WWOX: variants seen among roughly 807,000 people sequenced by gnomAD.
WWOX encodes the protein WW domain containing oxidoreductase.
A neutral mutation model predicts 46.2 loss-of-function variants in WWOX; 69 were observed. The observed-to-expected ratio is 1.49, with a 90% CI of 1.23 to 1.82. The LOEUF is 1.82. Ranked by LOEUF, WWOX falls within the 40% of genes most tolerant of loss-of-function variation. WWOX has a pLI of 0.00. For synonymous variants in WWOX, 359 were observed against 202.6 expected, an observed-to-expected ratio of 1.77 and a Z score of -6.56; for missense variants, 919 against 542.6, an observed-to-expected ratio of 1.69 and a Z score of -6.89.
At chr16:78,882,773 G>A (rs955136825) in intron 8 of WWOX, among the ~76,000 whole-genome samples, 15 of 151,196 alleles carry the variant, frequency 9.9e-5, no homozygotes, top group African/African-American at 2.4e-4. Flanking sequence ...ACAGGCATGA[G>A]CCACCGCACC....
chr16:78,435,473 A>T (rs1288943112), intron 8 of WWOX, among the ~76,000 whole-genome samples: 1 of 152,204 alleles, frequency 6.6e-6, no homozygotes, highest in Non-Finnish European at 1.5e-5. Flanking sequence ...GTAAAAGATT[A>T]ACTGCGCACT....
At chr16:78,830,864 C>T (rs1465306403) in intron 8 of WWOX, among the ~76,000 whole-genome samples, 1 of 152,066 alleles carries the variant, frequency 6.6e-6, no homozygotes, top group Non-Finnish European at 1.5e-5. Context: ...CTTTCTCCTA[C>T]AGCCCCATCC....
Position 78,880,983 on chromosome 16 carries a change from AT to A in WWOX, c.1057-330617del, listed in dbSNP as rs749040692. Among the ~76,000 whole-genome samples, 3 of 124,442 alleles carry A rather than the reference AT, an allele frequency of 2.4e-5. No homozygotes were observed. In the South Asian group the frequency reaches 8.2e-4, roughly 34 times the overall value. 81.6% of individuals were successfully genotyped at this position (124,442 alleles called of 152,430 possible). Reference sequence around the variant, plus strand: ...TTTCGGTCCCCTAAAGCTTCTGGTAATTTTTTTTCTTTTTTTTTTTTTTTTT... The same window carrying A: ...TTTCGGTCCCCTAAAGCTTCTGGTAATTTTTTTCTTTTTTTTTTTTTTTTT... On this transcript the variant is annotated intron_variant, in intron 8 of 8. Transcript: ENST00000566780.
At chr16:78,473,663 T>A (rs1450529301) in intron 8 of WWOX, among the ~76,000 whole-genome samples, 2 of 152,072 alleles carry the variant, frequency 1.3e-5, no homozygotes, top group African/African-American at 4.8e-5. Context: ...TATGGAGCGT[T>A]TTTTTTGGAA....
At position 78,597,760 on chromosome 16, in the gene WWOX, G is replaced by GTA. The variant is rs66672636; in HGVS notation, c.1056+165027_1056+165028dup. 3.6e-3 allele frequency among the ~76,000 whole-genome samples: 523 copies of GTA among 144,890 alleles called. 4 individuals carry two copies. Among genetic ancestry groups the GTA allele is most frequent in the African/African-American group, 0.011 (431 of 38,450 alleles). On this transcript the variant is annotated intron_variant, in intron 8 of 8. Coordinates refer to ENST00000566780, the MANE Select transcript of WWOX (RefSeq NM_016373.4). ...CATAAATATGAGTTTATTTATATGT[G>GTA]TATATATATATATATATATAAAATA...
chr16:78,200,540 C>G (rs149519508), intron 5 of WWOX, among the ~76,000 whole-genome samples: 21 of 150,524 alleles, frequency 1.4e-4, no homozygotes, highest in African/African-American at 4.4e-4. Flanking sequence ...TAAAGTATCA[C>G]AAAAATTTTT....
intron 8 of WWOX, among the ~76,000 whole-genome samples, chr16:78,799,052 G>A (rs1327329992): frequency 1.3e-5 from 2 of 152,110 alleles, no homozygotes; most frequent in African/African-American, 2.4e-5. Context: ...TGCTTGTATC[G>A]TCTATACCTT....
At chr16:79,026,933 C>A (rs1044142369) in intron 8 of WWOX, among the ~76,000 whole-genome samples, 1 of 150,990 alleles carries the variant, frequency 6.6e-6, no homozygotes, top group Non-Finnish European at 1.5e-5. Flanking sequence ...CTGGGCGGCA[C>A]GTGGTAGACT....
intron 8 of WWOX, among the ~76,000 whole-genome samples, chr16:78,749,133 T>C (rs1283059069): frequency 3.9e-5 from 6 of 152,210 alleles, no homozygotes; most frequent in African/African-American, 1.4e-4. Context: ...TAGTCCTCCA[T>C]GACCAAGGGC....
At chr16:78,704,338 C>G (rs2048288557) in intron 8 of WWOX, among the ~76,000 whole-genome samples, 1 of 152,128 alleles carries the variant, frequency 6.6e-6, no homozygotes, top group African/African-American at 2.4e-5. Flanking sequence ...AGCACATGAC[C>G]TACCTCCCTT....
chr16:78,689,411 C>T (rs1222933058), intron 8 of WWOX, among the ~76,000 whole-genome samples: 2 of 152,220 alleles, frequency 1.3e-5, no homozygotes, highest in Non-Finnish European at 2.9e-5. Flanking sequence ...CTTCTGTCTT[C>T]CCTTTTCCCT....
chr16:78,866,770 T>C (rs561502245), intron 8 of WWOX, among the ~76,000 whole-genome samples: 5 of 152,156 alleles, frequency 3.3e-5, no homozygotes, highest in African/African-American at 4.8e-5. Flanking sequence ...ATCCAGGGAA[T>C]TGGGGACAGT....
chr16:79,017,999 G>A (rs1359397540), intron 8 of WWOX, among the ~76,000 whole-genome samples: 1 of 152,218 alleles, frequency 6.6e-6, no homozygotes, highest in African/African-American at 2.4e-5. Flanking sequence ...AAAAGGTTAT[G>A]TACTGGGGCT....
chr16:78,699,174 C>T (rs1597460620), intron 8 of WWOX, among the ~76,000 whole-genome samples: 1 of 152,278 alleles, frequency 6.6e-6, no homozygotes, highest in African/African-American at 2.4e-5. Flanking sequence ...GGTCACGGGC[C>T]ACATTTGGCC....
intron 8 of WWOX, among the ~76,000 whole-genome samples, chr16:78,939,938 C>T (rs1349904520): frequency 6.6e-6 from 1 of 152,140 alleles, no homozygotes; most frequent in Non-Finnish European, 1.5e-5. Context: ...ATTCGACTGC[C>T]CCCACCCAGA....
At chr16:78,546,451 T>A (rs367775726) in intron 8 of WWOX, among the ~76,000 whole-genome samples, 1 of 152,210 alleles carries the variant, frequency 6.6e-6, no homozygotes, top group African/African-American at 2.4e-5. Flanking sequence ...AAAAGAATAC[T>A]GGACCCAGAG....
intron 8 of WWOX, among the ~76,000 whole-genome samples, chr16:79,121,828 C>G (rs1330687048): frequency 1.3e-5 from 2 of 152,076 alleles, no homozygotes; most frequent in Non-Finnish European, 2.9e-5. Context: ...AATAAATAAA[C>G]CAAACATTGG....
intron 8 of WWOX, among the ~76,000 whole-genome samples, chr16:79,062,092 C>A (rs2048366621): frequency 1.3e-5 from 2 of 152,130 alleles, no homozygotes; most frequent in Non-Finnish European, 2.9e-5. Flanking sequence ...AATACACCTC[C>A]CCACCCCACG....
chr16:78,850,437 C>T (rs767057994), intron 8 of WWOX, among the ~76,000 whole-genome samples: 39 of 152,168 alleles, frequency 2.6e-4, no homozygotes, highest in Non-Finnish European at 7.3e-5. Context: ...TAGATAAAAG[C>T]TGTCAAGTGA....
Sources: gnomAD v4.1 joint callset for allele counts (sites outside exome capture counted in the v4.1 genomes callset) on GRCh38, gnomAD v4.1.1 for gene constraint, MANE v1.5 for transcripts, NCBI Gene and HGNC (gene_info 2026-07-23, HGNC 2026-07-21) for gene names.